TTF2: variants seen among roughly 807,000 people sequenced by gnomAD.
The protein encoded by TTF2 is transcription termination factor 2, also known as RNA polymerase II termination factor.
TTF2 carries 108 observed loss-of-function variants against 142.4 expected under a neutral mutation model. That is an observed-to-expected ratio of 0.76 (90% confidence interval 0.65 to 0.89). The LOEUF (loss-of-function observed/expected upper bound fraction) is 0.89, where lower values mean the gene tolerates loss of function less well. Ranked by LOEUF, TTF2 falls within the 40% of genes least tolerant of loss-of-function variation. TTF2 has a pLI of 0.00. For synonymous variants in TTF2, 483 were observed against 506.2 expected, an observed-to-expected ratio of 0.95 and a Z score of 0.61; for missense variants, 1,327 against 1,379.8, an observed-to-expected ratio of 0.96 and a Z score of 0.61.
At chr1:117,094,312 A>G (rs925280910) in intron 18 of TTF2, among the ~76,000 whole-genome samples, 2 of 152,138 alleles carry the variant, frequency 1.3e-5, no homozygotes, top group African/African-American at 4.8e-5. Flanking sequence ...GAACTTCTGT[A>G]TATTTGTCTC....
In TTF2 at chr1:117,063,667, T is replaced by C. The variant is rs1655859504; in HGVS notation, c.218+1194T>C. Reference sequence around the variant, plus strand: ...AAAATCTCGACGTTATCTGTTTAAATATTTTATCCTTTTTTTTGCATTGAA... The same window carrying C: ...AAAATCTCGACGTTATCTGTTTAAACATTTTATCCTTTTTTTTGCATTGAA... On this transcript the variant is annotated intron_variant, in intron 3 of 22. Coordinates refer to ENST00000369466, the MANE Select transcript of TTF2 (RefSeq NM_003594.4). This position sits in a 1 kb window ranked among gnomAD's most constrained non-coding sequence, Gnocchi z 4.1. 6.6e-6 allele frequency among the ~76,000 whole-genome samples: 1 copy of C among 152,254 alleles called. No individual in the cohort carries two copies. Among genetic ancestry groups the C allele is most frequent in the Non-Finnish European group, 1.5e-5 (1 of 68,042 alleles).
At chr1:117,074,731 T>A (rs1221148708) in intron 4 of TTF2, 139 bp from the exon 5 acceptor site, 1 of 754,668 alleles carries the variant, frequency 1.3e-6, no homozygotes, top group East Asian at 2.8e-5. Context: ...GCTCACTGCC[T>A]GAGTGCAATA....
intron 11 of TTF2, among the ~76,000 whole-genome samples, chr1:117,084,805 G>A (rs1489482785): frequency 6.6e-6 from 1 of 152,162 alleles, no homozygotes; most frequent in African/African-American, 2.4e-5. Context: ...AATACTGGCT[G>A]CTGTAGTCAA....
chr1:117,067,747 TGA>T (rs1656262285), intron 3 of TTF2, among the ~76,000 whole-genome samples: 1 of 152,202 alleles, frequency 6.6e-6, no homozygotes, highest in African/African-American at 2.4e-5. Context: ...GAGTGACCTA[TGA>T]GAGTACAGCC....
Position 117,073,774 on chromosome 1 carries a change from A to G in TTF2, c.285+47A>G, listed in dbSNP as rs1656774411. On this transcript the variant is annotated intron_variant, in intron 4 of 22. Coordinates refer to ENST00000369466, the MANE Select transcript of TTF2 (RefSeq NM_003594.4). The surrounding 1 kb of genome is among the most constrained non-coding windows in gnomAD (Gnocchi z 4.4). ...TCAAACCTGCTGTGTTAAGACTTTT[A>G]ATATGCAGCATCACCTGAAAATACC... 1.9e-6 allele frequency: 3 copies of G among 1,553,494 alleles called. No homozygotes were observed. The African/African-American group carries it at 4.1e-5, about 21-fold the overall frequency.
rs1557818606 is a variant in TTF2, at chr1:117,084,073, C to CCA, written c.1960_1961dup (p.His655IlefsTer11). ...TAATCATCTGTCCTGCCTCCCTGATCCATCATTGGAAAAATGAGGTGGAGA... is the reference window on the plus strand; with the variant it reads ...TAATCATCTGTCCTGCCTCCCTGATCCACATCATTGGAAAAATGAGGTGGAGA... On this transcript the variant is annotated frameshift_variant, in exon 11 of 23. Coordinates refer to ENST00000369466, the MANE Select transcript of TTF2 (RefSeq NM_003594.4). LOFTEE classifies it high-confidence loss of function. 14 of 1,614,206 alleles carry CCA rather than the reference C, an allele frequency of 8.7e-6. No individual in the cohort carries two copies. Among genetic ancestry groups the CCA allele is most frequent in the Non-Finnish European group, 1.1e-5 (13 of 1,180,052 alleles).
At chr1:117,088,505 C>A (rs528119115) in intron 12 of TTF2, among the ~76,000 whole-genome samples, 21 of 152,110 alleles carry the variant, frequency 1.4e-4, no homozygotes, top group Non-Finnish European at 2.9e-4. Context: ...CCACTGCACT[C>A]CAGCCTGGGC....
intron 3 of TTF2, among the ~76,000 whole-genome samples, chr1:117,065,560 G>A (rs939162635): frequency 2.6e-5 from 4 of 152,028 alleles, no homozygotes; most frequent in Non-Finnish European, 4.4e-5. Context: ...TCGCGCCACC[G>A]CACTCCAGCT....
Position 117,084,221 on chromosome 1 carries a change from C to G in TTF2, c.2054+53C>G, listed in dbSNP as rs989619166. 4 of 1,603,628 alleles carry G rather than the reference C, an allele frequency of 2.5e-6. No homozygotes were observed. In the African/African-American group the frequency reaches 5.4e-5, roughly 21 times the overall value. ...GGCGTTCAGCACCTCTGCCCAAGGG[C>G]CCACGGGCCTTTGCTCCCATCCCTG... On this transcript the variant is annotated intron_variant, in intron 11 of 22. Coordinates refer to ENST00000369466, the MANE Select transcript of TTF2 (RefSeq NM_003594.4).
chr1:117,088,686 G>T, intron 12 of TTF2, 115 bp from the exon 13 acceptor site: 1 of 1,181,216 alleles, frequency 8.5e-7, no homozygotes, highest in Non-Finnish European at 1.2e-6. Context: ...CCTGAGCTAA[G>T]CAAATTTAAA....
intron 20 of TTF2, 60 bp downstream of exon 20, chr1:117,096,359 TC>T: frequency 1.3e-6 from 2 of 1,566,638 alleles, no homozygotes; most frequent in Non-Finnish European, 1.7e-6. Context: ...CAAAGAGAAT[TC>T]TTTTTGTTTG....
Position 117,103,188 on chromosome 1 carries a change from G to A in TTF2, c.*1664G>A, listed in dbSNP as rs1267489018. 1.3e-5 allele frequency: 2 copies of A among 152,198 alleles called. No homozygotes were observed. The highest frequency in any genetic ancestry group is 2.4e-5 in the African/African-American group (1 of 41,446). The allele number at this position is 152,198 out of a possible 1,614,324, so 9.4% of individuals were successfully genotyped here. A position where few individuals can be genotyped will look rare whatever the true frequency, so the allele number is the denominator to read the frequency against. The stretch of plus-strand genomic sequence containing the variant: ...CTTCTATTAGACTAGTGAAGCCTCA[G>A]TCCCAGGATGGCTCCCCATGTACAC... On this transcript the variant is annotated 3_prime_UTR_variant, in exon 23 of 23. Coordinates refer to ENST00000369466, the MANE Select transcript of TTF2 (RefSeq NM_003594.4).
chr1:117,092,936 T>C lies in TTF2; in HGVS notation c.2976+35T>C. ...GTCTCCTCTGTAGTAGTCGAGAGACTTCGATTCCTCACACATTTTCCTGTG... is the reference window on the plus strand; with the variant it reads ...GTCTCCTCTGTAGTAGTCGAGAGACCTCGATTCCTCACACATTTTCCTGTG... On this transcript the variant is annotated intron_variant, in intron 18 of 22. Coordinates refer to ENST00000369466, the MANE Select transcript of TTF2 (RefSeq NM_003594.4). The surrounding 1 kb of genome is among the most constrained non-coding windows in gnomAD (Gnocchi z 4.4). 1.2e-6 allele frequency: 2 copies of C among 1,609,060 alleles called. No homozygotes were observed. Among genetic ancestry groups the C allele is most frequent in the Non-Finnish European group, 1.7e-6 (2 of 1,177,052 alleles).
In TTF2 at chr1:117,101,430, AAAAG is replaced by A. The variant is rs1254398616; in HGVS notation, c.3401_3404del (p.Lys1134IlefsTer45). On this transcript the variant is annotated frameshift_variant, in exon 23 of 23. Coordinates refer to ENST00000369466, the MANE Select transcript of TTF2 (RefSeq NM_003594.4). LOFTEE classifies it high-confidence loss of function. The surrounding 1 kb of genome is among the most constrained non-coding windows in gnomAD (Gnocchi z 5.9). Reference sequence around the variant, plus strand: ...GAAAAGATCTTACAGCTCCAAGAAAAAAAGAAAGATTTGGCCAAACAAGTTCTAT... The same window carrying A: ...GAAAAGATCTTACAGCTCCAAGAAAAAAAGATTTGGCCAAACAAGTTCTAT... The A allele has an allele frequency of 1.1e-5, 18 of 1,609,634 alleles. No individual in the cohort carries two copies. The highest frequency in any genetic ancestry group is 1.5e-5 in the Non-Finnish European group (18 of 1,179,076).
In TTF2 at chr1:117,107,253, C is replaced by CCCCCAAT. The variant is rs1220957413; in HGVS notation, c.*5736_*5742dup. ...ACTGTAGTGCATGCATGAGACAGCA[C>CCCCCAAT]CCCCAATCCCCAACACCCACACACA... On this transcript the variant is annotated 3_prime_UTR_variant, in exon 23 of 23. Coordinates refer to ENST00000369466, the MANE Select transcript of TTF2 (RefSeq NM_003594.4). 2 of 152,162 alleles carry CCCCCAAT rather than the reference C, an allele frequency of 1.3e-5. No individual in the cohort carries two copies. Among genetic ancestry groups the CCCCCAAT allele is most frequent in the Non-Finnish European group, 2.9e-5 (2 of 68,048 alleles). The allele number at this position is 152,162 out of a possible 1,614,324, so 9.4% of individuals were successfully genotyped here.
chr1:117,082,138 C>A, intron 10 of TTF2, 191 bp downstream of exon 10: 1 of 859,976 alleles, frequency 1.2e-6, no homozygotes, highest in South Asian at 1.6e-5. Context: ...TCATTTTTTC[C>A]GTATAAATTT....
intron 11 of TTF2, among the ~76,000 whole-genome samples, chr1:117,084,463 G>A (rs1009026675): frequency 1.3e-5 from 2 of 152,192 alleles, no homozygotes; most frequent in East Asian, 1.9e-4. Flanking sequence ...GAGATGTGTC[G>A]CAAGGCCCTC....
Position 117,092,020 on chromosome 1 carries a change from T to C in TTF2, c.2805+70T>C. ...GCCACCTGAGAAGTCAATTTCACTC[T>C]CCTCCAACTGGAATCCAGTCTGCTT... On this transcript the variant is annotated intron_variant, in intron 17 of 22. Coordinates refer to ENST00000369466, the MANE Select transcript of TTF2 (RefSeq NM_003594.4). This position sits in a 1 kb window ranked among gnomAD's most constrained non-coding sequence, Gnocchi z 4.4. 6.8e-7 allele frequency: 1 copy of C among 1,469,634 alleles called. No homozygotes were observed. 91.0% of individuals were successfully genotyped at this position (1,469,634 alleles called of 1,614,324 possible).
intron 3 of TTF2, among the ~76,000 whole-genome samples, chr1:117,064,263 A>G (rs1655910199): frequency 6.6e-6 from 1 of 151,928 alleles, no homozygotes; most frequent in African/African-American, 2.4e-5. Flanking sequence ...AGATCACTTG[A>G]GATTAGGAGT....
Sources: allele counts gnomAD v4.1 joint callset (sites outside exome capture counted in the v4.1 genomes callset), GRCh38; gene constraint gnomAD v4.1.1; non-coding constraint Gnocchi (gnomAD v3.1); transcripts MANE v1.5; gene names NCBI Gene and HGNC (gene_info 2026-07-23, HGNC 2026-07-21).